STRADA: variants seen among roughly 807,000 people sequenced by gnomAD.
STRADA encodes STE20-related kinase adapter protein alpha.
A neutral mutation model predicts 55.0 loss-of-function variants in STRADA; 26 were observed. The observed-to-expected ratio is 0.47, with a 90% CI of 0.35 to 0.66. The LOEUF (loss-of-function observed/expected upper bound fraction) is 0.66, where lower values mean the gene tolerates loss of function less well. STRADA is among the 30% of genes least tolerant of loss of function. The pLI, the probability that STRADA is intolerant of heterozygous loss-of-function variation, is 0.01. For missense variants in STRADA, 443 were observed against 549.7 expected (o/e 0.81, Z 1.94); for synonymous variants, 197 against 210.9 (o/e 0.93, Z 0.57).
chr17:63,735,521 CT>C (rs1319802204), intron 1 of STRADA, among the ~76,000 whole-genome samples: 5 of 152,126 alleles, frequency 3.3e-5, no homozygotes, highest in African/African-American at 9.7e-5. Context: ...TTAAAATTAA[CT>C]TTTTCAGAGA....
At chr17:63,708,182 A>G (rs1206794296) in intron 8 of STRADA, among the ~76,000 whole-genome samples, 1 of 151,902 alleles carries the variant, frequency 6.6e-6, no homozygotes, top group Non-Finnish European at 1.5e-5. Flanking sequence ...TGACCGGCCT[A>G]TAACCAGGTT....
chr17:63,711,061 A>C, intron 6 of STRADA: 8 of 546,888 alleles, frequency 1.5e-5, no homozygotes, highest in Non-Finnish European at 2.3e-5. Context: ...GAAACTGCCA[A>C]CAACAAAGGG....
intron 1 of STRADA, among the ~76,000 whole-genome samples, chr17:63,728,882 A>G (rs1322653367): frequency 8.0e-6 from 1 of 124,826 alleles, no homozygotes; most frequent in African/African-American, 3.6e-5. Context: ...ACAGAGTGAG[A>G]CTGTCTCAAA....
At chr17:63,709,836 C>T (rs958817597) in intron 8 of STRADA, among the ~76,000 whole-genome samples, 3 of 152,110 alleles carry the variant, frequency 2.0e-5, no homozygotes, top group Admixed American at 2.0e-4. Context: ...GCCCTGGTCT[C>T]TCAGCATAAG....
chr17:63,738,970 T>C (rs1282915620), intron 1 of STRADA, among the ~76,000 whole-genome samples: 1 of 151,640 alleles, frequency 6.6e-6, no homozygotes, highest in Non-Finnish European at 1.5e-5. Flanking sequence ...GCTAACATGA[T>C]GAAACCTCAT....
chr17:63,728,759 A>G (rs1043539927), intron 1 of STRADA, among the ~76,000 whole-genome samples: 1 of 119,248 alleles, frequency 8.4e-6, no homozygotes, highest in Admixed American at 8.1e-5. Context: ...AAAAAAAAAA[A>G]AGCCAGGCAA....
chr17:63,736,398 C>A (rs979349140), intron 1 of STRADA, among the ~76,000 whole-genome samples: 1 of 151,450 alleles, frequency 6.6e-6, no homozygotes, highest in Non-Finnish European at 1.5e-5. Context: ...GAGGCTGAAG[C>A]GGGTGGATCA....
In STRADA at chr17:63,739,763, T is replaced by TGTATATATGTACATATA. The variant is rs2038732055; in HGVS notation, c.-45+1961_-45+1977dup. Among the ~76,000 whole-genome samples the TGTATATATGTACATATA allele has an allele frequency of 4.8e-5, 3 of 62,078 alleles. 1 individual carries two copies. The highest frequency in any genetic ancestry group is 1.6e-4 in the African/African-American group (1 of 6,212). 40.7% of individuals were successfully genotyped at this position (62,078 alleles called of 152,430 possible). On this transcript the variant is annotated intron_variant, in intron 1 of 12. Transcript: ENST00000336174. ...TACATATTGATACATTATATATTTA[T>TGTATATATGTACATATA]GTATATATGTACATATATACATATA... is the stretch of plus-strand genomic sequence containing the variant.
At chr17:63,723,125 A>G (rs945837410) in intron 4 of STRADA, among the ~76,000 whole-genome samples, 173 bp downstream of exon 4, 1 of 152,160 alleles carries the variant, frequency 6.6e-6, no homozygotes, top group African/African-American at 2.4e-5. Context: ...TACACATCCA[A>G]ATTTTTCCAG....
intron 4 of STRADA, 174 bp from the exon 5 acceptor site, chr17:63,714,282 T>C: frequency 1.6e-6 from 1 of 607,734 alleles, no homozygotes; most frequent in Non-Finnish European, 3.1e-6. Flanking sequence ...AGGGTAGTAA[T>C]CAGCACTAAT....
intron 1 of STRADA, among the ~76,000 whole-genome samples, chr17:63,735,627 A>C (rs1284945705): frequency 1.3e-5 from 2 of 152,212 alleles, no homozygotes; most frequent in Non-Finnish European, 2.9e-5. Context: ...ACAAATAATA[A>C]CCATATATCT....
rs2036687318 is a variant in STRADA, at chr17:63,714,062, T to A, written c.170A>T (p.Glu57Val). ...CTCTGGCAGAAAGCTACTCATGACC[T>A]CCTGTTTAGAGAAGGATGCTATTGA... The part of the protein sequence containing the change: ...SESIASFSKQ[E>V]VMSSFLPEGG... The change falls in exon 5 of 13, where the codon GAG (glutamate) becomes GTG (valine). Residue 57 changes from glutamate (E) to valine (V), a missense_variant. Glu to Val is a moderately radical substitution (Grantham distance 121). Coordinates refer to ENST00000336174, the MANE Select transcript of STRADA (RefSeq NM_001003787.4). 1.2e-6 allele frequency: 2 copies of A among 1,613,670 alleles called. No individual in the cohort carries two copies. Among genetic ancestry groups the A allele is most frequent in the Non-Finnish European group, 1.7e-6 (2 of 1,179,774 alleles).
At chr17:63,715,289 A>C (rs1178623889) in intron 4 of STRADA, 1 of 152,210 alleles carries the variant, frequency 6.6e-6, no homozygotes, top group Non-Finnish European at 1.5e-5. Context: ...GCCGGGACAG[A>C]TCTTATCTCC....
chr17:63,720,512 C>T (rs1290249142), intron 4 of STRADA, among the ~76,000 whole-genome samples: 4 of 151,716 alleles, frequency 2.6e-5, no homozygotes, highest in Admixed American at 6.6e-5. Context: ...AGGTGGCTCA[C>T]ACCTGTAATC....
intron 1 of STRADA, among the ~76,000 whole-genome samples, chr17:63,728,735 TAAAAAAAA>T (rs36091754): frequency 2.7e-5 from 3 of 112,436 alleles, no homozygotes; most frequent in Non-Finnish European, 3.6e-5. Context: ...CCCATCTCTA[TAAAAAAAA>T]AAAAAAAAAA....
chr17:63,712,741 T>C (rs1292275215), intron 6 of STRADA, among the ~76,000 whole-genome samples: 2 of 149,884 alleles, frequency 1.3e-5, no homozygotes, highest in African/African-American at 2.5e-5. Context: ...TGGCTCACAT[T>C]TGTAATCACA....
rs1213623226 is a variant in STRADA at position 63,704,505 on chromosome 17, C to T, written c.936G>A (p.Met312Ile). 10 of 1,609,954 alleles carry T rather than the reference C, an allele frequency of 6.2e-6. 1 individual carries two copies. The highest frequency in any genetic ancestry group is 1.7e-4 in the Middle Eastern group (1 of 6,046). The part of the protein sequence containing the change: ...TSTIPAEELT[M>I]SPSRSVANSG... ...AGTTGGCCACTGAGCGCGAAGGGCT[C>T]ATGGTCAGCTCCTCAGCGGGGATGG... Residue 312 changes from methionine (M) to isoleucine (I), a missense_variant, in exon 11 of 13, where the codon ATG (methionine) becomes ATA (isoleucine). By Grantham distance (10) the Met-to-Ile change is conservative. Transcript: ENST00000336174.
intron 1 of STRADA, among the ~76,000 whole-genome samples, chr17:63,733,017 A>T (rs1245692204): frequency 6.6e-6 from 1 of 151,930 alleles, no homozygotes; most frequent in East Asian, 1.9e-4. Flanking sequence ...CCTCCCAAGT[A>T]GCTGGGATTA....
At chr17:63,740,860 T>C (rs1424853060) in intron 1 of STRADA, among the ~76,000 whole-genome samples, 1 of 152,222 alleles carries the variant, frequency 6.6e-6, no homozygotes, top group East Asian at 1.9e-4. Flanking sequence ...AGTTCAGCAC[T>C]GTAACTAAAG....
Sources: gnomAD v4.1 joint callset for allele counts (sites outside exome capture counted in the v4.1 genomes callset) on GRCh38, gnomAD v4.1.1 for gene constraint, MANE v1.5 for transcripts, NCBI Gene and HGNC (gene_info 2026-07-23, HGNC 2026-07-21) for gene names.